BLOC1S3: variants seen among roughly 807,000 people sequenced by gnomAD.
BLOC1S3 encodes biogenesis of lysosomal organelles complex 1 subunit 3.
BLOC1S3 carries 7 observed loss-of-function variants against 9.1 expected under a neutral mutation model. That is an observed-to-expected ratio of 0.77 (90% confidence interval 0.44 to 1.45). BLOC1S3 has a LOEUF of 1.45. Among genes scored for constraint, BLOC1S3 ranks in the 40% most tolerant of loss-of-function variants. BLOC1S3 has a pLI of 0.01. For missense variants in BLOC1S3, 307 were observed against 315.2 expected, an observed-to-expected ratio of 0.97 and a Z score of 0.20; for synonymous variants, 145 against 158.4, an observed-to-expected ratio of 0.92 and a Z score of 0.64.
intron 3 of BLOC1S3, chr19:45,216,010 G>A: frequency 6.3e-7 from 1 of 1,595,804 alleles, no homozygotes; most frequent in South Asian, 1.1e-5. Flanking sequence ...AGGGACGGAT[G>A]CCAAGGCCGC....
chr19:45,179,434 G>A lies in BLOC1S3; in HGVS notation c.138G>A (p.Pro46=). 6.5e-7 allele frequency: 1 copy of A among 1,529,504 alleles called. No individual in the cohort carries two copies. The highest frequency in any genetic ancestry group is 1.2e-5 in the South Asian group (1 of 83,482). 94.7% of individuals were successfully genotyped at this position (1,529,504 alleles called of 1,614,324 possible). ...EEELYLGPSG[P]TRGRPTGLRV... is the part of the protein sequence containing the mutation. ...AGCTGTACCTGGGTCCTTCGGGCCCGACGCGCGGCCGCCCCACGGGGCTGC... is the reference window on the plus strand; with the variant it reads ...AGCTGTACCTGGGTCCTTCGGGCCCAACGCGCGGCCGCCCCACGGGGCTGC... The change falls in exon 2 of 2, where the codon CCG becomes CCA. Residue 46 remains proline (P), a synonymous_variant. Transcript: ENST00000433642. This position sits in a 1 kb window ranked among gnomAD's most constrained non-coding sequence, Gnocchi z 4.6.
In BLOC1S3 at chr19:45,204,361, T is replaced by G. The variant is rs558418257; in HGVS notation, n.282+1854T>G. ...CCCACCACCATGCCCCAGCTAATTT[T>G]TTTGTATTTTCAGTAGAGACAGGGT... is the stretch of plus-strand genomic sequence containing the variant. On this transcript the variant is annotated intron_variant and non_coding_transcript_variant, in intron 3 of 3. Transcript: ENST00000591569. 3.3e-5 allele frequency among the ~76,000 whole-genome samples: 5 copies of G among 151,904 alleles called. No individual in the cohort carries two copies. In the East Asian group the frequency reaches 9.7e-4, roughly 30 times the overall value.
chr19:45,197,171 C>T (rs897402105), intron 2 of BLOC1S3, among the ~76,000 whole-genome samples: 15 of 148,548 alleles, frequency 1.0e-4, no homozygotes, highest in African/African-American at 3.7e-4. Context: ...CTGGGTGACA[C>T]AGTGAGACCT....
intron 3 of BLOC1S3, among the ~76,000 whole-genome samples, chr19:45,204,318 T>C (rs1021016051): frequency 6.6e-6 from 1 of 151,540 alleles, no homozygotes; most frequent in Non-Finnish European, 1.5e-5. Context: ...GCCTCCCGAG[T>C]AGCTGGGATG....
chr19:45,200,517 G>C (rs908236218), intron 2 of BLOC1S3, among the ~76,000 whole-genome samples: 2 of 152,128 alleles, frequency 1.3e-5, no homozygotes, highest in African/African-American at 4.8e-5. Context: ...ATTTCAATCT[G>C]TTTGGTTAAT....
chr19:45,216,044 C>A (rs112530898), intron 3 of BLOC1S3: 2 of 1,610,308 alleles, frequency 1.2e-6, no homozygotes, highest in Admixed American at 1.7e-5. Context: ...CCAGGCACGG[C>A]GAGCCCTGGC....
At chr19:45,188,721 C>T (rs111576580) in intron 2 of BLOC1S3, among the ~76,000 whole-genome samples, 29 of 151,486 alleles carry the variant, frequency 1.9e-4, no homozygotes, top group African/African-American at 6.3e-4. Flanking sequence ...TACAGGCACG[C>T]GCCCCCATGC....
chr19:45,180,235 A>T lies in BLOC1S3; in HGVS notation c.*330A>T, dbSNP rs1236613283. On this transcript the variant is annotated 3_prime_UTR_variant, in exon 2 of 2. Transcript: ENST00000433642. ...CTGTTTCCACCCTGGGGGCTCACCA[A>T]TTTTTTTTTTTTTTTTTTTTTTTTG... 3 of 90,520 alleles carry T rather than the reference A, an allele frequency of 3.3e-5. No individual in the cohort carries two copies. Among genetic ancestry groups the T allele is most frequent in the African/African-American group, 5.6e-5 (1 of 17,890 alleles). The allele number at this position is 90,520 out of a possible 1,614,324, so 5.6% of individuals were successfully genotyped here.
chr19:45,198,983 C>T (rs1039646253), intron 2 of BLOC1S3: 2 of 152,086 alleles, frequency 1.3e-5, no homozygotes, highest in African/African-American at 4.8e-5. Context: ...CTGGGGATTA[C>T]AGACGTGAAC....
chr19:45,196,656 G>T (rs988342268), intron 2 of BLOC1S3, among the ~76,000 whole-genome samples: 8 of 151,878 alleles, frequency 5.3e-5, no homozygotes, highest in Non-Finnish European at 7.4e-5. Flanking sequence ...ACTTTGGGAG[G>T]CCGAGGCGGG....
In BLOC1S3 at chr19:45,209,481, A is replaced by G. The variant is rs866274388; in HGVS notation, n.282+6974A>G. On this transcript the variant is annotated intron_variant and non_coding_transcript_variant, in intron 3 of 3. Coordinates refer to the BLOC1S3 transcript ENST00000591569. The stretch of plus-strand genomic sequence containing the variant: ...CTGTCGCCCAGGTTGGAGTGCAGTA[A>G]TGCAATCTCGGCTCACTGCAAGCTC... 1.5e-4 allele frequency among the ~76,000 whole-genome samples: 22 copies of G among 150,112 alleles called. No individual in the cohort carries two copies. The Middle Eastern group carries it at 0.011, about 75-fold the overall frequency.
chr19:45,204,812 A>T (rs1969715406), intron 3 of BLOC1S3, among the ~76,000 whole-genome samples: 1 of 151,126 alleles, frequency 6.6e-6, no homozygotes, highest in African/African-American at 2.4e-5. Context: ...GCTCACTGCA[A>T]CCTCCACCTC....
At chr19:45,207,644 C>T (rs1414989595) in intron 3 of BLOC1S3, among the ~76,000 whole-genome samples, 1 of 148,280 alleles carries the variant, frequency 6.7e-6, no homozygotes, top group Non-Finnish European at 1.5e-5. Flanking sequence ...GGCTGAGTCA[C>T]GAGAATTGCT....
chr19:45,201,912 T>C (rs931472361), intron 2 of BLOC1S3, among the ~76,000 whole-genome samples: 7 of 152,222 alleles, frequency 4.6e-5, no homozygotes, highest in Non-Finnish European at 8.8e-5. Context: ...TCATTCTGTC[T>C]TGCCTGCCAC....
chr19:45,200,468 C>T (rs570214599), intron 2 of BLOC1S3, among the ~76,000 whole-genome samples: 1 of 152,332 alleles, frequency 6.6e-6, no homozygotes, highest in South Asian at 2.1e-4. Flanking sequence ...AGGTGTGAGA[C>T]ACCGTGCCCA....
At chr19:45,186,003 C>T (rs1599749577), downstream of BLOC1S3, among the ~76,000 whole-genome samples, 1 of 152,138 alleles carries the variant, frequency 6.6e-6, no homozygotes, top group Admixed American at 6.6e-5. Context: ...ATTCCAGCTA[C>T]TCAGGAGGCT....
Position 45,213,162 on chromosome 19 carries a change from G to A in BLOC1S3, n.283-3514G>A, listed in dbSNP as rs571457121. 6.9e-6 allele frequency: 11 copies of A among 1,594,432 alleles called. No homozygotes were observed. The South Asian group carries it at 1.1e-4, about 16-fold the overall frequency. ...TGGCCAGCCGGGAGAGGGGGAGGCG[G>A]CCCAGGAAGAGAGGGAGGCTGAGAC... On this transcript the variant is annotated intron_variant and non_coding_transcript_variant, in intron 3 of 3. Transcript: ENST00000591569.
chr19:45,215,824 C>A (rs866462462), intron 3 of BLOC1S3, among the ~76,000 whole-genome samples: 2 of 152,232 alleles, frequency 1.3e-5, no homozygotes, highest in Non-Finnish European at 2.9e-5. Context: ...CCTGCGCCCC[C>A]CTGCCCTGGG....
chr19:45,183,779 A>C (rs963571690), downstream of BLOC1S3, among the ~76,000 whole-genome samples: 14 of 151,468 alleles, frequency 9.2e-5, no homozygotes, highest in African/African-American at 3.4e-4. Context: ...GGCACGTGCC[A>C]CCATGCCCAG....
Sources: gnomAD v4.1 joint callset for allele counts (sites outside exome capture counted in the v4.1 genomes callset) on GRCh38, gnomAD v4.1.1 for gene constraint, Gnocchi (gnomAD v3.1) non-coding constraint, MANE v1.5 for transcripts, NCBI Gene and HGNC (gene_info 2026-07-23, HGNC 2026-07-21) for gene names.